The following PSMB7 variants were observed in gnomAD, a reference collection of about 807,000 sequenced individuals.
PSMB7 encodes the protein proteasome 20S subunit beta 7, also known as proteasome subunit beta type-7.
In PSMB7, 5 loss-of-function variants were observed where a neutral mutation model predicts 28.1. The ratio of observed to expected loss-of-function variants is 0.18; its 90% confidence interval spans 0.09 to 0.37. The LOEUF (loss-of-function observed/expected upper bound fraction) is 0.37. Ranked by LOEUF, PSMB7 falls within the 10% of genes least tolerant of loss-of-function variation. The probability of loss-of-function intolerance (pLI) is 1.00; values close to 1 mark genes in which losing one functional copy is unlikely to be tolerated. For missense variants in PSMB7, 275 were observed against 346.2 expected, an observed-to-expected ratio of 0.79 and a Z score of 1.63; for synonymous variants, 122 against 123.7, an observed-to-expected ratio of 0.99 and a Z score of 0.09.
At position 124,386,049 on chromosome 9, in the gene PSMB7, G is replaced by A. The variant is rs571338086; in HGVS notation, c.512-1393C>T. Reference sequence around the variant, plus strand: ...CATCACATCTAAAGCCATAGGAAGCGTCAAGTGTAAACCAGCATTACAAGC... The same window carrying A: ...CATCACATCTAAAGCCATAGGAAGCATCAAGTGTAAACCAGCATTACAAGC... On this transcript the variant is annotated intron_variant, in intron 5 of 7. Transcript: ENST00000259457. Among the ~76,000 whole-genome samples the A allele has an allele frequency of 3.2e-4, 48 of 151,862 alleles. No individual in the cohort carries two copies. The South Asian group carries it at 3.3e-3, about 11-fold the overall frequency.
chr9:124,375,328 T>C (rs2131153855), intron 6 of PSMB7, among the ~76,000 whole-genome samples: 1 of 152,186 alleles, frequency 6.6e-6, no homozygotes, highest in African/African-American at 2.4e-5. Context: ...ACCCGGCTAA[T>C]TTTTTCTGTT....
At chr9:124,367,981 G>A (rs1279502187) in intron 6 of PSMB7, among the ~76,000 whole-genome samples, 2 of 152,208 alleles carry the variant, frequency 1.3e-5, no homozygotes, top group Non-Finnish European at 2.9e-5. Flanking sequence ...TATGACAGCG[G>A]CCATCATACT....
intron 6 of PSMB7, among the ~76,000 whole-genome samples, chr9:124,366,913 T>C (rs1375754518): frequency 6.6e-6 from 1 of 152,256 alleles, no homozygotes; most frequent in Non-Finnish European, 1.5e-5. Context: ...GGCCAGACCA[T>C]CTAGGTTTGT....
At chr9:124,400,128 G>GCAC (rs1830885357) in intron 5 of PSMB7, among the ~76,000 whole-genome samples, 1 of 152,058 alleles carries the variant, frequency 6.6e-6, no homozygotes, top group Non-Finnish European at 1.5e-5. Context: ...TGCTCCTGCC[G>GCAC]CACCCATGCA....
At chr9:124,395,052 C>T (rs529716129) in intron 5 of PSMB7, among the ~76,000 whole-genome samples, 11 of 152,334 alleles carry the variant, frequency 7.2e-5, no homozygotes, top group Non-Finnish European at 1.2e-4. Context: ...TATCAAAATA[C>T]TATGCACCAA....
intron 6 of PSMB7, among the ~76,000 whole-genome samples, chr9:124,373,417 T>G (rs1195404586): frequency 6.6e-6 from 1 of 152,210 alleles, no homozygotes; most frequent in East Asian, 1.9e-4. Context: ...AGACAATTTA[T>G]TATGTCTAAT....
At chr9:124,408,428 A>G (rs1830990684) in intron 4 of PSMB7, among the ~76,000 whole-genome samples, 1 of 152,226 alleles carries the variant, frequency 6.6e-6, no homozygotes, top group Non-Finnish European at 1.5e-5. Flanking sequence ...AAAATGGGCA[A>G]TATCATTAAT....
At chr9:124,364,255 A>C (rs554759796) in intron 6 of PSMB7, among the ~76,000 whole-genome samples, 1 of 152,316 alleles carries the variant, frequency 6.6e-6, no homozygotes, top group African/African-American at 2.4e-5. Context: ...GTGTACAAGC[A>C]GGAGAGTCGG....
chr9:124,357,858 G>A (rs565437864), intron 6 of PSMB7, among the ~76,000 whole-genome samples: 84 of 152,312 alleles, frequency 5.5e-4, no homozygotes, highest in Non-Finnish European at 8.5e-4. Flanking sequence ...GTGAAAAGGA[G>A]CTGGGAACAC....
chr9:124,379,007 T>C (rs1830638877), intron 6 of PSMB7, among the ~76,000 whole-genome samples: 1 of 152,196 alleles, frequency 6.6e-6, no homozygotes, highest in East Asian at 1.9e-4. Context: ...AGAAAAAATC[T>C]GGGGGAATGC....
At chr9:124,364,375 G>A (rs995016625) in intron 6 of PSMB7, among the ~76,000 whole-genome samples, 7 of 152,104 alleles carry the variant, frequency 4.6e-5, no homozygotes, top group Admixed American at 3.3e-4. Context: ...GACAGTGAAT[G>A]GAAGGAAAAA....
chr9:124,361,007 A>C (rs1488319167), intron 6 of PSMB7, among the ~76,000 whole-genome samples: 2 of 152,226 alleles, frequency 1.3e-5, no homozygotes, highest in Non-Finnish European at 2.9e-5. Flanking sequence ...CCAGGCCAGG[A>C]CAAGGAGGGC....
At chr9:124,396,359 G>A (rs1026979761) in intron 5 of PSMB7, among the ~76,000 whole-genome samples, 3 of 151,934 alleles carry the variant, frequency 2.0e-5, no homozygotes, top group Non-Finnish European at 4.4e-5. Context: ...CTGTACTTTA[G>A]CGTAACGATG....
At chr9:124,403,337 C>T (rs530119480) in intron 5 of PSMB7, among the ~76,000 whole-genome samples, 2 of 151,772 alleles carry the variant, frequency 1.3e-5, no homozygotes, top group African/African-American at 4.8e-5. Flanking sequence ...CCAACCTGGG[C>T]AACATGGCAA....
intron 5 of PSMB7, among the ~76,000 whole-genome samples, chr9:124,399,358 C>T (rs1183054366): frequency 6.6e-6 from 1 of 152,146 alleles, no homozygotes. Context: ...GGGGCCAAGG[C>T]GGGAGTCCTG....
At chr9:124,377,265 G>A (rs1830621697) in intron 6 of PSMB7, among the ~76,000 whole-genome samples, 1 of 152,194 alleles carries the variant, frequency 6.6e-6, no homozygotes, top group Admixed American at 6.5e-5. Flanking sequence ...GAGTCCTGCT[G>A]TAAGGACAGA....
chr9:124,377,086 T>C (rs184338901), intron 6 of PSMB7, among the ~76,000 whole-genome samples: 86 of 152,352 alleles, frequency 5.6e-4, no homozygotes, highest in Non-Finnish European at 8.5e-4. Context: ...ATGCGATGTT[T>C]GTATCCTACT....
At chr9:124,382,111 C>T (rs929929934) in intron 6 of PSMB7, among the ~76,000 whole-genome samples, 4 of 151,088 alleles carry the variant, frequency 2.6e-5, no homozygotes, top group East Asian at 2.0e-4. Flanking sequence ...TTGCTTGAAC[C>T]CAGGAGGCAG....
At chr9:124,393,824 A>T (rs1830815103) in intron 5 of PSMB7, among the ~76,000 whole-genome samples, 1 of 152,240 alleles carries the variant, frequency 6.6e-6, no homozygotes, top group East Asian at 1.9e-4. Flanking sequence ...ATGTCACAAG[A>T]TATGGAGAGA....
Sources: allele counts gnomAD v4.1 joint callset (sites outside exome capture counted in the v4.1 genomes callset), GRCh38; gene constraint gnomAD v4.1.1; transcripts MANE v1.5; gene names NCBI Gene and HGNC (gene_info 2026-07-23, HGNC 2026-07-21).